Variants in PBX3 observed in about 807,000 individuals in gnomAD.
PBX3 encodes the protein pre-B-cell leukemia transcription factor 3.
In PBX3, 14 loss-of-function variants were observed where a neutral mutation model predicts 48.5. The observed-to-expected ratio is 0.29, with a 90% CI of 0.19 to 0.45. The LOEUF (loss-of-function observed/expected upper bound fraction) is 0.45. Among genes scored for constraint, PBX3 ranks in the 20% least tolerant of loss-of-function variants. The pLI, the probability that PBX3 is intolerant of heterozygous loss-of-function variation, is 1.00. For synonymous variants in PBX3, 210 were observed against 200.3 expected, an observed-to-expected ratio of 1.05 and a Z score of -0.41; for missense variants, 386 against 546.7, an observed-to-expected ratio of 0.71 and a Z score of 2.93.
intron 2 of PBX3, among the ~76,000 whole-genome samples, chr9:125,781,143 C>T (rs1415662961): frequency 8.6e-5 from 13 of 150,924 alleles, no homozygotes; most frequent in Non-Finnish European, 1.5e-4. Flanking sequence ...GCTGCAATCT[C>T]GGCACTTTTG....
chr9:125,871,120 CG>C, intron 2 of PBX3, among the ~76,000 whole-genome samples: 1 of 152,028 alleles, frequency 6.6e-6, no homozygotes, highest in Non-Finnish European at 1.5e-5. Flanking sequence ...AAAAATAGGC[CG>C]GATGCAGTGG....
intron 2 of PBX3, among the ~76,000 whole-genome samples, chr9:125,769,524 A>C (rs1836888055): frequency 6.6e-6 from 1 of 152,216 alleles, no homozygotes; most frequent in Non-Finnish European, 1.5e-5. Flanking sequence ...ACAGGTTTTT[A>C]GTATGCTGAT....
chr9:125,747,796 C>G, intron 1 of PBX3, 143 bp downstream of exon 1: 2 of 577,016 alleles, frequency 3.5e-6, no homozygotes, highest in Non-Finnish European at 5.7e-6. Context: ...CCGCCCCGGC[C>G]TCGGGGGGAC....
chr9:125,871,045 A>G (rs953310403), intron 2 of PBX3, among the ~76,000 whole-genome samples: 1 of 152,184 alleles, frequency 6.6e-6, no homozygotes, highest in Non-Finnish European at 1.5e-5. Flanking sequence ...AAAAACTCAC[A>G]TGTATACCAG....
chr9:125,810,690 T>C (rs559236117), intron 2 of PBX3, among the ~76,000 whole-genome samples: 13 of 152,256 alleles, frequency 8.5e-5, no homozygotes, highest in African/African-American at 3.1e-4. Flanking sequence ...TAGAAGACAA[T>C]TTCTTTGTAT....
chr9:125,948,479 T>C (rs760331344), intron 5 of PBX3, among the ~76,000 whole-genome samples: 8 of 152,234 alleles, frequency 5.3e-5, no homozygotes, highest in Non-Finnish European at 1.2e-4. Context: ...TCCATATGTT[T>C]AGAAATTAAG....
intron 2 of PBX3, among the ~76,000 whole-genome samples, chr9:125,790,262 T>C (rs12554305): frequency 0.51 from 75,240 of 148,352 alleles, 20,745 homozygotes; most frequent in South Asian, 0.62. Context: ...TTCTTTCTTT[T>C]TTTTTTTTTT....
intron 2 of PBX3, among the ~76,000 whole-genome samples, chr9:125,819,880 CT>C (rs1029652362): frequency 1.8e-4 from 27 of 152,160 alleles, no homozygotes; most frequent in African/African-American, 6.3e-4. Flanking sequence ...TGAATATTAT[CT>C]TTTTTTCTGC....
At chr9:125,864,257 C>T (rs1479666212) in intron 2 of PBX3, among the ~76,000 whole-genome samples, 1 of 152,100 alleles carries the variant, frequency 6.6e-6, no homozygotes, top group South Asian at 2.1e-4. Flanking sequence ...ATCAAGATAA[C>T]ACACTCTTTT....
chr9:125,959,084 T>TAACC (rs1842370801), intron 5 of PBX3, among the ~76,000 whole-genome samples: 1 of 152,236 alleles, frequency 6.6e-6, no homozygotes, highest in Admixed American at 6.5e-5. Context: ...CATGCCAGTA[T>TAACC]AACCACTCCC....
intron 2 of PBX3, among the ~76,000 whole-genome samples, chr9:125,790,727 C>A (rs940913286): frequency 6.6e-6 from 1 of 151,952 alleles, no homozygotes; most frequent in Non-Finnish European, 1.5e-5. Context: ...CACCATCATG[C>A]CTGGCTAATT....
intron 2 of PBX3, among the ~76,000 whole-genome samples, chr9:125,834,583 G>A (rs1458639889): frequency 1.3e-5 from 2 of 151,420 alleles, no homozygotes; most frequent in African/African-American, 4.8e-5. Flanking sequence ...TTTTAGTAGA[G>A]ACGGGGGTTG....
intron 3 of PBX3, among the ~76,000 whole-genome samples, chr9:125,926,451 C>T (rs146288194): frequency 0.01 from 1,595 of 152,058 alleles, 9 homozygotes; most frequent in Non-Finnish European, 0.016. Flanking sequence ...ACTCAGAAGG[C>T]GGAGGTTGCA....
chr9:125,899,479 A>T (rs1424586167), intron 2 of PBX3, among the ~76,000 whole-genome samples: 1 of 148,000 alleles, frequency 6.8e-6, no homozygotes, highest in South Asian at 2.1e-4. Flanking sequence ...AGAGAGAGAG[A>T]GAGAGAGAGC....
At chr9:125,913,143 GTCT>G (rs1160026655) in intron 2 of PBX3, among the ~76,000 whole-genome samples, 25 of 151,988 alleles carry the variant, frequency 1.6e-4, no homozygotes, top group East Asian at 5.8e-4. Context: ...ATTATTGATA[GTCT>G]TCTTCTTGTT....
chr9:125,886,961 A>C (rs1338932655), intron 2 of PBX3, among the ~76,000 whole-genome samples: 1 of 152,134 alleles, frequency 6.6e-6, no homozygotes, highest in Non-Finnish European at 1.5e-5. Context: ...AAAAGTTTTT[A>C]ATTTTTTTGG....
At chr9:125,886,164 GTTT>G (rs980385672) in intron 2 of PBX3, among the ~76,000 whole-genome samples, 1 of 151,970 alleles carries the variant, frequency 6.6e-6, no homozygotes, top group African/African-American at 2.4e-5. Flanking sequence ...CAGGATCTAT[GTTT>G]TTAATATTAA....
intron 6 of PBX3, among the ~76,000 whole-genome samples, chr9:125,961,124 C>T (rs1229646942): frequency 1.3e-5 from 2 of 152,208 alleles, no homozygotes; most frequent in Non-Finnish European, 2.9e-5. Flanking sequence ...AGAGTGCTAT[C>T]GCTCATGACT....
chr9:125,816,458 A>G (rs1390481117), intron 2 of PBX3, among the ~76,000 whole-genome samples: 2 of 152,216 alleles, frequency 1.3e-5, no homozygotes, highest in Non-Finnish European at 2.9e-5. Flanking sequence ...GAATATTTCT[A>G]TGGTGCTTTT....
Sources: gnomAD v4.1 joint callset for allele counts (sites outside exome capture counted in the v4.1 genomes callset) on GRCh38, gnomAD v4.1.1 for gene constraint, MANE v1.5 for transcripts, NCBI Gene and HGNC (gene_info 2026-07-23, HGNC 2026-07-21) for gene names.